The following ANK2 variants were observed in gnomAD, a reference collection of about 807,000 sequenced individuals.
The protein encoded by ANK2 is ankyrin 2.
In ANK2, 83 loss-of-function variants were observed where a neutral mutation model predicts 360.5. That is an observed-to-expected ratio of 0.23 (90% CI 0.19 to 0.28). The LOEUF is 0.28. Ranked by LOEUF, ANK2 falls within the 10% of genes least tolerant of loss-of-function variation. ANK2 has a pLI of 1.00. For synonymous variants in ANK2, 1,740 were observed against 1,759.5 expected, an observed-to-expected ratio of 0.99 and a Z score of 0.28; for missense variants, 4,201 against 4,795.7, an observed-to-expected ratio of 0.88 and a Z score of 3.66.
At chr4:113,130,993 T>C (rs900337057) in intron 1 of ANK2, among the ~76,000 whole-genome samples, 6 of 152,150 alleles carry the variant, frequency 3.9e-5, no homozygotes, top group African/African-American at 1.4e-4. Flanking sequence ...GACAAAAAAA[T>C]TTCTGGAAAA....
intron 2 of ANK2, among the ~76,000 whole-genome samples, chr4:112,971,892 G>A (rs559866403): frequency 6.6e-6 from 1 of 152,266 alleles, no homozygotes; most frequent in Non-Finnish European, 1.5e-5. Context: ...ATTCCAGTGA[G>A]GCAATGGTAG....
chr4:113,106,686 T>A (rs1398731946), intron 1 of ANK2, among the ~76,000 whole-genome samples: 1 of 152,162 alleles, frequency 6.6e-6, no homozygotes, highest in African/African-American at 2.4e-5. Flanking sequence ...TGTTAGTTTG[T>A]TTTTGTTTTG....
At chr4:112,781,221 A>G in the ANK2 span, among the ~76,000 whole-genome samples, 1 of 151,952 alleles carries the variant, frequency 6.6e-6, no homozygotes, top group East Asian at 1.9e-4. Context: ...CAAACTCTCA[A>G]ACTCCTAGGC....
At chr4:112,821,014 C>A (rs151244421) in intron 1 of ANK2, among the ~76,000 whole-genome samples, 2,636 of 152,208 alleles carry the variant, frequency 0.017, 88 homozygotes, top group African/African-American at 0.058. Context: ...CGGGTTCAAG[C>A]GATTCTCCTG....
intron 27 of ANK2, 118 bp downstream of exon 27, chr4:113,330,588 C>A (rs1016537801): frequency 9.7e-7 from 1 of 1,027,094 alleles, no homozygotes; most frequent in Non-Finnish European, 1.4e-6. Context: ...GGATCAGCAC[C>A]AATGACATTT....
chr4:112,784,406 G>T, the ANK2 span, among the ~76,000 whole-genome samples: 1 of 141,846 alleles, frequency 7.0e-6, no homozygotes, highest in African/African-American at 2.6e-5. Context: ...CGCCCAGGCC[G>T]GAGTGCAGTG....
Position 113,359,200 on chromosome 4 carries a change from G to C in ANK2, c.10582G>C (p.Val3528Leu). The change falls in exon 38 of 46, where the codon GTT (valine) becomes CTT (leucine). Residue 3528 changes from valine (V) to leucine (L), a missense_variant. Val to Leu is a conservative substitution (Grantham distance 32). Coordinates refer to ENST00000357077, the MANE Select transcript of ANK2 (RefSeq NM_001148.6). ...NLPPVETEHS[V>L]PEDIFDTRPI... ...GCCACCTGTTGAGACCGAGCACTCA[G>C]TTCCTGAGGACATCTTTGACACAAG... 1 of 1,613,574 alleles carries C rather than the reference G, an allele frequency of 6.2e-7. No individual in the cohort carries two copies. The highest frequency in any genetic ancestry group is 8.5e-7 in the Non-Finnish European group (1 of 1,179,594).
chr4:113,124,485 T>TTTGG (rs1190429780), intron 1 of ANK2, among the ~76,000 whole-genome samples: 1 of 152,150 alleles, frequency 6.6e-6, no homozygotes, highest in Non-Finnish European at 1.5e-5. Flanking sequence ...GGATCTTTTG[T>TTTGG]TTGGTTGGTT....
chr4:112,809,154 C>G, the ANK2 span, among the ~76,000 whole-genome samples: 1 of 151,804 alleles, frequency 6.6e-6, no homozygotes, highest in East Asian at 2.0e-4. Context: ...CCACTGCACC[C>G]GGCCCAAACT....
intron 4 of ANK2, among the ~76,000 whole-genome samples, chr4:113,203,014 G>A (rs934079549): frequency 2.0e-5 from 3 of 152,202 alleles, no homozygotes; most frequent in African/African-American, 7.2e-5. Flanking sequence ...TGGTATCCTA[G>A]ATTCAGTGAC....
At chr4:113,030,608 A>T (rs1260640381) in intron 2 of ANK2, among the ~76,000 whole-genome samples, 4 of 152,096 alleles carry the variant, frequency 2.6e-5, no homozygotes, top group Admixed American at 2.6e-4. Context: ...GGAAAAGAAC[A>T]GGAGGAAATC....
At chr4:113,180,157 A>G (rs1455889978) in intron 2 of ANK2, among the ~76,000 whole-genome samples, 1 of 152,240 alleles carries the variant, frequency 6.6e-6, no homozygotes, top group Admixed American at 6.5e-5. Flanking sequence ...TGACTTTAGC[A>G]TATGCTCACA....
intron 1 of ANK2, chr4:113,152,322 G>T (rs1248496524): frequency 1.3e-5 from 2 of 152,070 alleles, no homozygotes; most frequent in Admixed American, 1.3e-4. Context: ...TGGGGAGAGA[G>T]TCCTCTTTTC....
At chr4:112,970,540 G>C (rs756525717) in intron 2 of ANK2, among the ~76,000 whole-genome samples, 3 of 152,052 alleles carry the variant, frequency 2.0e-5, no homozygotes, top group Admixed American at 1.3e-4. Context: ...TTTTTTAGTA[G>C]AGATTGGGTT....
At chr4:113,143,436 G>A (rs1467390722) in intron 1 of ANK2, among the ~76,000 whole-genome samples, 3 of 152,196 alleles carry the variant, frequency 2.0e-5, no homozygotes, top group Non-Finnish European at 4.4e-5. Context: ...CCTTTTCCAT[G>A]TGTAAGTACA....
chr4:113,314,818 A>G (rs1347809807), intron 24 of ANK2, among the ~76,000 whole-genome samples: 1 of 152,194 alleles, frequency 6.6e-6, no homozygotes, highest in East Asian at 1.9e-4. Context: ...ATCATTTTTA[A>G]AAAAGCAGTT....
At chr4:113,228,620 C>T (rs2099253459) in intron 4 of ANK2, among the ~76,000 whole-genome samples, 1 of 152,048 alleles carries the variant, frequency 6.6e-6, no homozygotes, top group Admixed American at 6.6e-5. Context: ...CATATTTTTG[C>T]AACTGTGAAT....
intron 26 of ANK2, among the ~76,000 whole-genome samples, chr4:113,324,419 A>G (rs558391865): frequency 2.6e-5 from 4 of 152,316 alleles, no homozygotes; most frequent in African/African-American, 9.6e-5. Flanking sequence ...ACTGCTAATT[A>G]TAGTATTTTT....
Position 113,355,302 on chromosome 4 carries a change from A to G in ANK2, c.6684A>G (p.Glu2228=). The G allele has an allele frequency of 6.2e-7, 1 of 1,614,050 alleles. No homozygotes were observed. The highest frequency in any genetic ancestry group is 2.2e-5 in the East Asian group (1 of 44,876). ...LMEGTPQISS[E]ESYKHEGLAE... ...AGGGGACCCCTCAGATTAGTTCAGA[A>G]GAAAGCTATAAGCATGAAGGCCTAG... is the stretch of plus-strand genomic sequence containing the variant. The change falls in exon 38 of 46, where the codon GAA becomes GAG. Residue 2228 remains glutamate (E), a synonymous_variant. Coordinates refer to ENST00000357077, the MANE Select transcript of ANK2 (RefSeq NM_001148.6).
Sources: allele counts gnomAD v4.1 joint callset (sites outside exome capture counted in the v4.1 genomes callset), GRCh38; gene constraint gnomAD v4.1.1; transcripts MANE v1.5; gene names NCBI Gene and HGNC (gene_info 2026-07-23, HGNC 2026-07-21).